Variants in PDE1A observed in about 807,000 individuals in gnomAD.
PDE1A encodes phosphodiesterase 1A.
Under a neutral mutation model 61.7 loss-of-function variants are expected in PDE1A, and 35 were observed. That is an observed-to-expected ratio of 0.57 (90% CI 0.43 to 0.75). The LOEUF (loss-of-function observed/expected upper bound fraction) is 0.75, where lower values mean the gene tolerates loss of function less well. PDE1A is among the 30% of genes least tolerant of loss of function. The probability of loss-of-function intolerance (pLI) is 0.00; values close to 1 mark genes in which losing one functional copy is unlikely to be tolerated. For synonymous variants in PDE1A, 232 were observed against 213.2 expected (o/e 1.09, Z -0.77); for missense variants, 597 against 630.6 (o/e 0.95, Z 0.57).
the PDE1A span, among the ~76,000 whole-genome samples, chr2:182,654,168 C>T: frequency 3.6e-4 from 55 of 152,204 alleles, no homozygotes; most frequent in African/African-American, 1.3e-3. Flanking sequence ...AGATCAATAC[C>T]AAGTACCAGA....
At chr2:182,628,105 C>G in the PDE1A span, among the ~76,000 whole-genome samples, 1 of 152,048 alleles carries the variant, frequency 6.6e-6, no homozygotes, top group African/African-American at 2.4e-5. Context: ...GAAAATGGAA[C>G]CCTAGTGACC....
At chr2:182,522,438 A>T (rs1041198124) in intron 1 of PDE1A, 46 of 1,608,380 alleles carry the variant, frequency 2.9e-5, no homozygotes, top group Non-Finnish European at 3.8e-5. Context: ...AGCATTCCTC[A>T]GTCCATTACA....
At chr2:182,204,029 A>C (rs1344678422) in intron 8 of PDE1A, among the ~76,000 whole-genome samples, 1 of 152,216 alleles carries the variant, frequency 6.6e-6, no homozygotes, top group Non-Finnish European at 1.5e-5. Context: ...AAACTATTAG[A>C]ATAAAATATT....
intron 1 of PDE1A, among the ~76,000 whole-genome samples, chr2:182,346,487 T>C (rs1382504335): frequency 2.0e-5 from 3 of 152,182 alleles, no homozygotes; most frequent in African/African-American, 7.2e-5. Flanking sequence ...TCAGGAACTG[T>C]GTTAGAAATT....
chr2:182,507,754 T>C (rs1415083907), intron 2 of PDE1A, among the ~76,000 whole-genome samples: 1 of 152,206 alleles, frequency 6.6e-6, no homozygotes, highest in East Asian at 1.9e-4. Flanking sequence ...AGAGATTTGC[T>C]AGGAAATGAA....
In PDE1A at chr2:182,159,423, A is replaced by T. The variant is rs531531619; in HGVS notation, c.1517-12271T>A. ...AGATATTTGGGGATAAACTTTATAGACTATCTTGATAGGTTAATTAAGAAT... is the reference window on the plus strand; with the variant it reads ...AGATATTTGGGGATAAACTTTATAGTCTATCTTGATAGGTTAATTAAGAAT... On this transcript the variant is annotated intron_variant, in intron 13 of 13. Transcript: ENST00000409365. 1.3e-4 allele frequency among the ~76,000 whole-genome samples: 20 copies of T among 152,320 alleles called. No individual in the cohort carries two copies. The South Asian group carries it at 4.1e-3, about 32-fold the overall frequency.
intron 7 of PDE1A, among the ~76,000 whole-genome samples, chr2:182,219,678 C>G (rs1364537986): frequency 3.9e-5 from 6 of 152,092 alleles, no homozygotes; most frequent in Non-Finnish European, 5.9e-5. Context: ...CTTACTGTTT[C>G]AGGCTTTTCA....
intron 7 of PDE1A, among the ~76,000 whole-genome samples, chr2:182,207,388 G>A (rs886437928): frequency 6.6e-6 from 1 of 152,182 alleles, no homozygotes; most frequent in African/African-American, 2.4e-5. Context: ...TTGTGCCCCT[G>A]CTCTAGAAAT....
intron 1 of PDE1A, among the ~76,000 whole-genome samples, chr2:182,353,723 G>A (rs1323238117): frequency 6.6e-6 from 1 of 152,010 alleles, no homozygotes; most frequent in Non-Finnish European, 1.5e-5. Context: ...ATCGAGCACA[G>A]GGTAAACAGA....
At chr2:182,704,395 G>A in the PDE1A span, among the ~76,000 whole-genome samples, 2 of 152,022 alleles carry the variant, frequency 1.3e-5, no homozygotes, top group African/African-American at 2.4e-5. Flanking sequence ...CTGTGGCTAG[G>A]GGGAAAAGGC....
At chr2:182,675,674 T>C in the PDE1A span, among the ~76,000 whole-genome samples, 1 of 152,218 alleles carries the variant, frequency 6.6e-6, no homozygotes, top group East Asian at 1.9e-4. Context: ...TGGTATCTCA[T>C]TGTAGTTTTG....
intron 13 of PDE1A, among the ~76,000 whole-genome samples, chr2:182,170,762 G>C (rs1259622322): frequency 6.6e-6 from 1 of 151,776 alleles, no homozygotes; most frequent in Non-Finnish European, 1.5e-5. Flanking sequence ...GTATTTCCTG[G>C]AACATAAAGA....
intron 1 of PDE1A, among the ~76,000 whole-genome samples, chr2:182,347,208 A>G (rs903626205): frequency 2.0e-5 from 3 of 152,016 alleles, no homozygotes; most frequent in Non-Finnish European, 1.5e-5. Flanking sequence ...AAAATTTTTA[A>G]TTTTGTTTAA....
At chr2:182,229,172 A>T (rs950555424) in intron 6 of PDE1A, among the ~76,000 whole-genome samples, 2 of 152,060 alleles carry the variant, frequency 1.3e-5, no homozygotes, top group Non-Finnish European at 2.9e-5. Flanking sequence ...GGCTCCCTTT[A>T]CACTTGTAGC....
chr2:182,644,724 T>A, the PDE1A span, among the ~76,000 whole-genome samples: 2 of 152,060 alleles, frequency 1.3e-5, no homozygotes, highest in Non-Finnish European at 2.9e-5. Flanking sequence ...TGAAAAACTG[T>A]GACAAGGGAG....
At chr2:182,579,822 T>G in the PDE1A span, among the ~76,000 whole-genome samples, 1 of 152,106 alleles carries the variant, frequency 6.6e-6, no homozygotes, top group South Asian at 2.1e-4. Context: ...GACAAAAGAA[T>G]GATCATTATA....
At chr2:182,506,905 A>G (rs1196124387) in intron 2 of PDE1A, among the ~76,000 whole-genome samples, 1 of 152,162 alleles carries the variant, frequency 6.6e-6, no homozygotes, top group African/African-American at 2.4e-5. Flanking sequence ...TTTACTCTAT[A>G]CTTCTCTTCT....
chr2:182,228,795 C>A (rs956651106), intron 6 of PDE1A, among the ~76,000 whole-genome samples: 6 of 152,060 alleles, frequency 3.9e-5, no homozygotes, highest in African/African-American at 9.7e-5. Flanking sequence ...GGTCTACCAC[C>A]AGACTATTTT....
chr2:182,606,456 G>A, the PDE1A span, among the ~76,000 whole-genome samples: 2 of 152,200 alleles, frequency 1.3e-5, no homozygotes, highest in African/African-American at 2.4e-5. Flanking sequence ...GGGATTACAG[G>A]TGTGAGCCAC....
Sources: allele counts gnomAD v4.1 joint callset (sites outside exome capture counted in the v4.1 genomes callset), GRCh38; gene constraint gnomAD v4.1.1; transcripts MANE v1.5; gene names NCBI Gene and HGNC (gene_info 2026-07-23, HGNC 2026-07-21).